The following USH2A variants were observed in gnomAD, a reference collection of about 807,000 sequenced individuals.
The protein encoded by USH2A is usherin, also known as Usher syndrome 2A (autosomal recessive, mild).
USH2A carries 443 observed loss-of-function variants against 538.9 expected under a neutral mutation model. That is an observed-to-expected ratio of 0.82 (90% CI 0.76 to 0.89). The LOEUF (loss-of-function observed/expected upper bound fraction) is 0.89, where lower values mean the gene tolerates loss of function less well. USH2A is among the 40% of genes least tolerant of loss of function. The probability of loss-of-function intolerance (pLI) is 0.00; values close to 1 mark genes in which losing one functional copy is unlikely to be tolerated. For synonymous variants in USH2A, 2,413 were observed against 2,273.5 expected (o/e 1.06, Z -1.75); for missense variants, 6,633 against 6,324.8 (o/e 1.05, Z -1.65).
intron 61 of USH2A, among the ~76,000 whole-genome samples, chr1:215,725,532 A>G (rs939312668): frequency 3.3e-5 from 5 of 152,206 alleles, no homozygotes; most frequent in African/African-American, 1.2e-4. Context: ...TTTGCTTGAA[A>G]AGATCAGGTG....
intron 21 of USH2A, 114 bp downstream of exon 21, chr1:216,175,138 A>G (rs1243479590): frequency 1.3e-6 from 2 of 1,537,266 alleles, no homozygotes; most frequent in Admixed American, 1.9e-5. Context: ...AAAGGGCTGA[A>G]TTAGTATTTC....
chr1:216,281,312 T>C (rs577657545), intron 11 of USH2A, among the ~76,000 whole-genome samples: 1 of 152,184 alleles, frequency 6.6e-6, no homozygotes, highest in Non-Finnish European at 1.5e-5. Flanking sequence ...TCTCCTTTTT[T>C]TCTGACTATA....
intron 22 of USH2A, among the ~76,000 whole-genome samples, chr1:216,091,855 C>T (rs2032309070): frequency 6.6e-6 from 1 of 151,966 alleles, no homozygotes; most frequent in African/African-American, 2.4e-5. Context: ...AAATAAGCAT[C>T]TCGTTTTTTC....
chr1:215,627,967 T>G (rs1276630250), intron 71 of USH2A, among the ~76,000 whole-genome samples: 1 of 152,186 alleles, frequency 6.6e-6, no homozygotes, highest in Non-Finnish European at 1.5e-5. Flanking sequence ...TGATAATAAA[T>G]GTTATATCAC....
chr1:216,333,653 G>A (rs941695675), intron 4 of USH2A, among the ~76,000 whole-genome samples: 15 of 151,966 alleles, frequency 9.9e-5, no homozygotes, highest in African/African-American at 1.7e-4. Context: ...CCACACCCTA[G>A]GCACATTAAA....
chr1:216,413,008 T>C (rs987592191), intron 3 of USH2A, among the ~76,000 whole-genome samples: 6 of 152,238 alleles, frequency 3.9e-5, no homozygotes, highest in African/African-American at 1.4e-4. Flanking sequence ...AAATCAATGA[T>C]TAATAGCAGC....
chr1:215,913,361 G>A (rs1025574480), intron 38 of USH2A, among the ~76,000 whole-genome samples: 9 of 152,150 alleles, frequency 5.9e-5, no homozygotes, highest in African/African-American at 1.9e-4. Context: ...AAAGGGGGCC[G>A]ACTTAATTTT....
At chr1:216,131,035 T>A (rs1405882833) in intron 21 of USH2A, among the ~76,000 whole-genome samples, 1 of 152,058 alleles carries the variant, frequency 6.6e-6, no homozygotes, top group African/African-American at 2.4e-5. Flanking sequence ...TGTCGTGGTT[T>A]TGATTTGCAT....
chr1:215,772,698 C>CA (rs1169441118), intron 55 of USH2A, among the ~76,000 whole-genome samples: 2 of 151,968 alleles, frequency 1.3e-5, no homozygotes, highest in Non-Finnish European at 2.9e-5. Context: ...GATAAATAGT[C>CA]AAAAAAAGGC....
At chr1:216,176,287 A>G (rs565281328) in intron 20 of USH2A, among the ~76,000 whole-genome samples, 1 of 151,984 alleles carries the variant, frequency 6.6e-6, no homozygotes, top group South Asian at 2.1e-4. Context: ...TGCAGTGGCT[A>G]TGCACAGGCA....
chr1:215,901,656 A>T (rs1665505514), intron 38 of USH2A, among the ~76,000 whole-genome samples: 3 of 152,104 alleles, frequency 2.0e-5, no homozygotes, highest in Admixed American at 6.6e-5. Flanking sequence ...GGTACAATCT[A>T]CCAGGGAAAT....
At chr1:215,685,352 TTG>T (rs201980567) in intron 61 of USH2A, among the ~76,000 whole-genome samples, 3,635 of 72,446 alleles carry the variant, frequency 0.05, 139 homozygotes, top group African/African-American at 0.12. Flanking sequence ...TTTGTTGTTG[TTG>T]TTTTTTTTTT....
At chr1:215,887,461 G>A (rs975187658) in intron 41 of USH2A, among the ~76,000 whole-genome samples, 13 of 152,104 alleles carry the variant, frequency 8.5e-5, no homozygotes, top group Non-Finnish European at 7.3e-5. Context: ...AATAAACATC[G>A]TATATCGTGT....
rs1221883145 is a variant in USH2A at position 215,846,043 on chromosome 1, A to G, written c.8846-10T>C. 1.2e-6 allele frequency: 2 copies of G among 1,613,226 alleles called. No individual in the cohort carries two copies. Among genetic ancestry groups the G allele is most frequent in the Non-Finnish European group, 1.7e-6 (2 of 1,179,486 alleles). Reference sequence around the variant, plus strand: ...TGTAGGTCTTGAACAGCTGTCAACAATAAATGCAGGACATGGTGAATGTAG... The same window carrying G: ...TGTAGGTCTTGAACAGCTGTCAACAGTAAATGCAGGACATGGTGAATGTAG... On this transcript the variant is annotated splice_polypyrimidine_tract_variant and intron_variant, in intron 44 of 71. Transcript: ENST00000307340.
Position 215,648,509 on chromosome 1 carries a change from C to T in USH2A, c.14582+19G>A, listed in dbSNP as rs1044633369. On this transcript the variant is annotated intron_variant, in intron 66 of 71. Transcript: ENST00000307340. ...CACATGCCTTGTTAGTTTCTTCATC[C>T]TTCTGCCTGACCCATTACCTGTGAA... is the stretch of plus-strand genomic sequence containing the variant. 1 of 1,611,990 alleles carries T rather than the reference C, an allele frequency of 6.2e-7. No homozygotes were observed. Among genetic ancestry groups the T allele is most frequent in the East Asian group, 2.2e-5 (1 of 44,882 alleles).
At chr1:216,219,434 A>T (rs1572061867) in intron 14 of USH2A, among the ~76,000 whole-genome samples, 3 of 152,124 alleles carry the variant, frequency 2.0e-5, no homozygotes, top group Non-Finnish European at 4.4e-5. Context: ...TAGATTTCTC[A>T]GCCACTCAAA....
At chr1:216,397,853 G>A (rs906408982) in intron 3 of USH2A, among the ~76,000 whole-genome samples, 3 of 152,314 alleles carry the variant, frequency 2.0e-5, no homozygotes, top group East Asian at 1.9e-4. Flanking sequence ...ACAGCCTGTC[G>A]TGGGACATTG....
chr1:215,917,623 T>C (rs960524213), intron 38 of USH2A, among the ~76,000 whole-genome samples: 5 of 151,654 alleles, frequency 3.3e-5, no homozygotes, highest in African/African-American at 1.2e-4. Context: ...CCTTGTTGAA[T>C]GTATCCAACA....
intron 11 of USH2A, among the ~76,000 whole-genome samples, chr1:216,258,005 C>T (rs1467319041): frequency 6.6e-6 from 1 of 152,020 alleles, no homozygotes; most frequent in African/African-American, 2.4e-5. Flanking sequence ...TAACATTTCT[C>T]ACAATTCTGG....
Sources: gnomAD v4.1 joint callset for allele counts (sites outside exome capture counted in the v4.1 genomes callset) on GRCh38, gnomAD v4.1.1 for gene constraint, MANE v1.5 for transcripts, NCBI Gene and HGNC (gene_info 2026-07-23, HGNC 2026-07-21) for gene names.